Variants in MYO1E observed in about 807,000 individuals in gnomAD.
MYO1E encodes unconventional myosin-Ie.
MYO1E carries 68 observed loss-of-function variants against 151.1 expected under a neutral mutation model. That is an observed-to-expected ratio of 0.45 (90% CI 0.37 to 0.55). The LOEUF (loss-of-function observed/expected upper bound fraction) is 0.55, where lower values mean the gene tolerates loss of function less well. MYO1E is among the 20% of genes least tolerant of loss of function. The pLI, the probability that MYO1E is intolerant of heterozygous loss-of-function variation, is 0.00. For missense variants in MYO1E, 1,363 were observed against 1,389.3 expected (o/e 0.98, Z 0.30); for synonymous variants, 601 against 501.7 (o/e 1.20, Z -2.64).
chr15:59,229,004 G>A (rs1279642054), intron 6 of MYO1E, among the ~76,000 whole-genome samples: 2 of 152,184 alleles, frequency 1.3e-5, no homozygotes, highest in South Asian at 2.1e-4. Flanking sequence ...ACCAGCCATC[G>A]CTCTGCGGAA....
At chr15:59,366,258 CG>C (rs2080912383) in intron 1 of MYO1E, among the ~76,000 whole-genome samples, 1 of 151,794 alleles carries the variant, frequency 6.6e-6, no homozygotes. Context: ...GGATTACAGG[CG>C]TGAACCACAG....
rs548181522 is a variant in MYO1E at position 59,299,496 on chromosome 15, G to A, written c.4-27047C>T. 5.9e-5 allele frequency among the ~76,000 whole-genome samples: 9 copies of A among 152,278 alleles called. No homozygotes were observed. In the East Asian group the frequency reaches 9.6e-4, roughly 16 times the overall value. On this transcript the variant is annotated intron_variant, in intron 1 of 27. Transcript: ENST00000288235. Reference sequence around the variant, plus strand: ...AACTTATGTTAGGCCTTGGGGATAGGATGATGTTTTAAAAAGATACAAAGG... The same window carrying A: ...AACTTATGTTAGGCCTTGGGGATAGAATGATGTTTTAAAAAGATACAAAGG...
At chr15:59,221,255 C>G (rs1427202557) in intron 9 of MYO1E, among the ~76,000 whole-genome samples, 3 of 151,874 alleles carry the variant, frequency 2.0e-5, no homozygotes, top group Non-Finnish European at 2.9e-5. Context: ...AGGTGATCAC[C>G]TGCCTCAGCC....
Position 59,209,813 on chromosome 15 carries a change from ACCTTTT to A in MYO1E, c.1362+695_1362+700del, listed in dbSNP as rs1362217267. 3.8e-3 allele frequency among the ~76,000 whole-genome samples: 274 copies of A among 71,172 alleles called. 17 individuals carry two copies. Among genetic ancestry groups the A allele is most frequent in the African/African-American group, 0.012 (252 of 20,682 alleles). The allele number at this position is 71,172 out of a possible 152,430, so 46.7% of individuals were successfully genotyped here. On this transcript the variant is annotated intron_variant, in intron 13 of 27. Coordinates refer to ENST00000288235, the MANE Select transcript of MYO1E (RefSeq NM_004998.4). ...TTCTGTATCACTTTTATTTTGAATC[ACCTTTT>A]TTTTTTTTTTTTTTTTTTTTTTTTT...
chr15:59,268,736 T>TTTTTTTTTTTTTTTTTTTTTTTTG, intron 2 of MYO1E, among the ~76,000 whole-genome samples: 1 of 140,264 alleles, frequency 7.1e-6, no homozygotes, highest in African/African-American at 2.6e-5. Flanking sequence ...TTTTTTTTTT[T>TTTTTTTTTTTTTTTTTTTTTTTTG]TTTTTGCTTC....
intron 1 of MYO1E, among the ~76,000 whole-genome samples, chr15:59,308,671 CAAAA>C (rs36088204): frequency 3.2e-4 from 40 of 124,484 alleles, no homozygotes; most frequent in Admixed American, 8.7e-4. Flanking sequence ...GACACCATCT[CAAAA>C]AAAAAAAAAA....
At chr15:59,371,075 T>C (rs2080941614) in intron 1 of MYO1E, among the ~76,000 whole-genome samples, 2 of 152,204 alleles carry the variant, frequency 1.3e-5, no homozygotes, top group Admixed American at 1.3e-4. Context: ...AAGTGTTCTC[T>C]TAGATGGGGC....
chr15:59,259,513 C>A (rs914752663), intron 3 of MYO1E, among the ~76,000 whole-genome samples: 1 of 152,144 alleles, frequency 6.6e-6, no homozygotes, highest in African/African-American at 2.4e-5. Context: ...GCCCTTAGCA[C>A]CCCTCTCAGT....
rs553581539 is a variant in MYO1E at position 59,274,702 on chromosome 15, C to G, written c.4-2253G>C. Among the ~76,000 whole-genome samples the G allele has an allele frequency of 1.1e-4, 16 of 152,266 alleles. No homozygotes were observed. In the South Asian group the frequency reaches 3.1e-3, roughly 30 times the overall value. On this transcript the variant is annotated intron_variant, in intron 1 of 27. Coordinates refer to ENST00000288235, the MANE Select transcript of MYO1E (RefSeq NM_004998.4). ...AAGAAACTGCCTTCCTAGCGTAACC[C>G]AAGTTTGTCTCAGTATCAAACCCAT...
chr15:59,300,319 C>A (rs2080474453), intron 1 of MYO1E, among the ~76,000 whole-genome samples: 1 of 151,548 alleles, frequency 6.6e-6, no homozygotes, highest in Admixed American at 6.6e-5. Context: ...CACACAGACA[C>A]ACACACACAC....
intron 22 of MYO1E, among the ~76,000 whole-genome samples, chr15:59,168,775 C>T (rs1216489478): frequency 6.6e-6 from 1 of 152,050 alleles, no homozygotes; most frequent in African/African-American, 2.4e-5. Context: ...CACGTACCAC[C>T]ACTCCTGGCT....
chr15:59,357,312 C>T (rs139912533), intron 1 of MYO1E, among the ~76,000 whole-genome samples: 79 of 151,556 alleles, frequency 5.2e-4, no homozygotes, highest in African/African-American at 3.9e-4. Flanking sequence ...CAAAGCTGAA[C>T]GAGAAAGGAT....
At chr15:59,203,436 G>A (rs1275673595) in intron 15 of MYO1E, among the ~76,000 whole-genome samples, 10 of 150,490 alleles carry the variant, frequency 6.6e-5, no homozygotes, top group Non-Finnish European at 1.3e-4. Context: ...CTGGAGTGCA[G>A]TGGCGCGATC....
intron 18 of MYO1E, among the ~76,000 whole-genome samples, chr15:59,184,751 G>A (rs2079685694): frequency 6.6e-6 from 1 of 152,170 alleles, no homozygotes; most frequent in Non-Finnish European, 1.5e-5. Flanking sequence ...CATAAACACA[G>A]GCGTGAACAT....
At chr15:59,324,077 G>C (rs1291242411) in intron 1 of MYO1E, among the ~76,000 whole-genome samples, 2 of 152,012 alleles carry the variant, frequency 1.3e-5, no homozygotes, top group African/African-American at 4.8e-5. Flanking sequence ...CAGTTCTCAA[G>C]AACAGGACCC....
chr15:59,224,774 C>T lies in MYO1E; in HGVS notation c.692G>A (p.Ser231Asn). Residue 231 changes from serine (S) to asparagine (N), a missense_variant, in exon 8 of 28, where the codon AGC (serine) becomes AAC (asparagine). Physicochemically the swap from Ser to Asn is conservative, Grantham distance 46. Coordinates refer to ENST00000288235, the MANE Select transcript of MYO1E (RefSeq NM_004998.4). ...GCTCAGGTAGTAATAATAGTCCATG[C>T]TGGTGATGCCAAGGCTGTGTTTCTG... ...AEQKHSLGIT[S>N]MDYYYYLSLS... The T allele has an allele frequency of 6.2e-7, 1 of 1,614,196 alleles. No individual in the cohort carries two copies. The highest frequency in any genetic ancestry group is 8.5e-7 in the Non-Finnish European group (1 of 1,180,034).
At chr15:59,157,560 G>A (rs1296494990) in intron 25 of MYO1E, among the ~76,000 whole-genome samples, 1 of 152,118 alleles carries the variant, frequency 6.6e-6, no homozygotes, top group African/African-American at 2.4e-5. Flanking sequence ...TCGTCCCTTT[G>A]CCCAGCCTAT....
intron 3 of MYO1E, 64 bp from the exon 4 acceptor site, chr15:59,256,442 A>C: frequency 1.0e-6 from 1 of 963,560 alleles, no homozygotes; most frequent in Non-Finnish European, 1.5e-6. Context: ...AAACAAAATC[A>C]TGGTCAGATA....
At position 59,372,810 on chromosome 15, in the gene MYO1E, C is replaced by G. The variant is rs776598205; in HGVS notation, c.-310G>C. The G allele has an allele frequency of 6.2e-6, 3 of 482,524 alleles. No individual in the cohort carries two copies. Among genetic ancestry groups the G allele is most frequent in the African/African-American group, 2.0e-5 (1 of 49,156 alleles). 29.9% of individuals were successfully genotyped at this position (482,524 alleles called of 1,614,324 possible). ...TCCGATGCGCTCGGAGCGTCCGCCT[C>G]GCTCCCCTGCCTCACTCCTCTTTCT... On this transcript the variant is annotated 5_prime_UTR_variant, in exon 1 of 28. Coordinates refer to ENST00000288235, the MANE Select transcript of MYO1E (RefSeq NM_004998.4).
Sources: gnomAD v4.1 joint callset for allele counts (sites outside exome capture counted in the v4.1 genomes callset) on GRCh38, gnomAD v4.1.1 for gene constraint, MANE v1.5 for transcripts, NCBI Gene and HGNC (gene_info 2026-07-23, HGNC 2026-07-21) for gene names.